CD36: variants seen among roughly 807,000 people sequenced by gnomAD.
CD36 encodes platelet glycoprotein 4.
CD36 carries 119 observed loss-of-function variants against 55.2 expected under a neutral mutation model. The ratio of observed to expected loss-of-function variants is 2.15; its 90% confidence interval spans 1.86 to 2.51. CD36 has a LOEUF of 2.51. Among genes scored for constraint, CD36 ranks in the 30% most tolerant of loss-of-function variants. The pLI is 0.00. For synonymous variants in CD36, 186 were observed against 193.6 expected (o/e 0.96, Z 0.33); for missense variants, 819 against 555.5 (o/e 1.47, Z -4.77).
At chr7:80,603,775 A>AAAAGAAG (rs1792380315) in intron 1 of CD36, among the ~76,000 whole-genome samples, 1 of 151,600 alleles carries the variant, frequency 6.6e-6, no homozygotes, top group African/African-American at 2.4e-5. Context: ...CAGGCAAAAA[A>AAAAGAAG]AAAAAAAAAA....
At chr7:80,634,261 C>G (rs764562144), upstream of CD36, among the ~76,000 whole-genome samples, 1 of 151,942 alleles carries the variant, frequency 6.6e-6, no homozygotes, top group Non-Finnish European at 1.5e-5. Context: ...TATGTGTTGA[C>G]TATGTTATTG....
intron 8 of CD36, among the ~76,000 whole-genome samples, chr7:80,667,989 C>G (rs528371631): frequency 6.6e-6 from 1 of 151,778 alleles, no homozygotes; most frequent in Admixed American, 6.6e-5. Flanking sequence ...CCTTGTGATC[C>G]GCCCCCCTCG....
Position 80,674,026 on chromosome 7 carries a change from A to C in CD36, c.1298A>C (p.Gln433Pro), listed in dbSNP as rs1244985137. 6.2e-7 allele frequency: 1 copy of C among 1,612,388 alleles called. No homozygotes were observed. Among genetic ancestry groups the C allele is most frequent in the Non-Finnish European group, 8.5e-7 (1 of 1,178,874 alleles). Residue 433 changes from glutamine (Q) to proline (P), a missense_variant, in exon 14 of 15, where the codon CAA (glutamine) becomes CCA (proline). Transcript: ENST00000447544. ...GAGAAGGCAAACATGTTCAGAAGTC[A>C]AGTAACTGGAAAAATAAACCTCCTT... ...GDEKANMFRS[Q>P]VTGKINLLGL...
chr7:80,612,599 T>A (rs1792932972), intron 1 of CD36, among the ~76,000 whole-genome samples: 1 of 152,192 alleles, frequency 6.6e-6, no homozygotes, highest in Admixed American at 6.5e-5. Flanking sequence ...CTTATATAAA[T>A]GTGGTTAAAT....
At chr7:80,667,907 C>T (rs1797279068) in intron 8 of CD36, among the ~76,000 whole-genome samples, 2 of 151,828 alleles carry the variant, frequency 1.3e-5, no homozygotes, top group South Asian at 4.2e-4. Flanking sequence ...TGTGCCACCA[C>T]ACCCAGCTAA....
chr7:80,646,260 G>T (rs3211805), intron 2 of CD36, 79 bp downstream of exon 2: 2,833 of 184,088 alleles, frequency 0.015, 87 homozygotes, highest in African/African-American at 0.062. Context: ...CATTCTGTTC[G>T]CAGGAGAGCT....
intron 3 of CD36, among the ~76,000 whole-genome samples, chr7:80,649,382 A>G (rs1433817374): frequency 6.6e-6 from 1 of 152,120 alleles, no homozygotes; most frequent in Non-Finnish European, 1.5e-5. Flanking sequence ...AAAAAACTGT[A>G]GGATATGACC....
intron 1 of CD36, among the ~76,000 whole-genome samples, chr7:80,613,854 T>C (rs1469189460): frequency 6.6e-6 from 1 of 152,180 alleles, no homozygotes; most frequent in Non-Finnish European, 1.5e-5. Flanking sequence ...TACCAGTTAC[T>C]TGGGAAGTTA....
intron 4 of CD36, among the ~76,000 whole-genome samples, chr7:80,657,535 A>C (rs1796187728): frequency 6.6e-6 from 1 of 152,182 alleles, no homozygotes; most frequent in Non-Finnish European, 1.5e-5. Context: ...TCATTTTGTG[A>C]GTTAAAAATG....
At chr7:80,631,955 C>T (rs1256616989) in intron 1 of CD36, among the ~76,000 whole-genome samples, 1 of 151,724 alleles carries the variant, frequency 6.6e-6, no homozygotes, top group Non-Finnish European at 1.5e-5. Flanking sequence ...TCTATAGATG[C>T]TTAGAAATCT....
At chr7:80,631,690 C>A (rs2116107845) in intron 1 of CD36, among the ~76,000 whole-genome samples, 1 of 151,672 alleles carries the variant, frequency 6.6e-6, no homozygotes, top group East Asian at 1.9e-4. Flanking sequence ...TAGTAGTCTG[C>A]CACTTTTCAT....
chr7:80,670,201 C>A, intron 9 of CD36, 179 bp downstream of exon 9: 1 of 593,872 alleles, frequency 1.7e-6, no homozygotes, highest in South Asian at 2.0e-5. Context: ...TTTGCCATTT[C>A]TATCTAAGCA....
intron 1 of CD36, among the ~76,000 whole-genome samples, chr7:80,616,731 T>C (rs1793182817): frequency 6.6e-6 from 1 of 152,174 alleles, no homozygotes; most frequent in African/African-American, 2.4e-5. Context: ...CTTGGAATCA[T>C]CCTTAGGCTC....
At chr7:80,666,871 T>C (rs1034545946) in intron 8 of CD36, among the ~76,000 whole-genome samples, 7 of 152,092 alleles carry the variant, frequency 4.6e-5, no homozygotes, top group African/African-American at 1.4e-4. Context: ...AAAAGCTAAT[T>C]ACAAAATAGA....
At chr7:80,669,817 T>A in intron 8 of CD36, 136 bp from the exon 9 acceptor site, 1 of 743,168 alleles carries the variant, frequency 1.3e-6, no homozygotes. Context: ...TTTTACCTTT[T>A]AAAAATGTGG....
In CD36 at chr7:80,666,427, CTT is replaced by C. The variant is rs767021819; in HGVS notation, c.702-12_702-11del. 5.8e-6 allele frequency: 9 copies of C among 1,550,592 alleles called. No individual in the cohort carries two copies. Among genetic ancestry groups the C allele is most frequent in the Non-Finnish European group, 6.2e-6 (7 of 1,123,236 alleles). ...TTAAATAAGAATGTTTATTCATTGTCTTTTTCTATTCCTAGGAATCTGTCCTA... is the reference window on the plus strand; with the variant it reads ...TTAAATAAGAATGTTTATTCATTGTCTTTCTATTCCTAGGAATCTGTCCTA... On this transcript the variant is annotated splice_polypyrimidine_tract_variant and intron_variant, in intron 7 of 14. Coordinates refer to ENST00000447544, the MANE Select transcript of CD36 (RefSeq NM_001001548.3).
chr7:80,641,126 A>G (rs4728191), intron 1 of CD36, among the ~76,000 whole-genome samples: 145,291 of 152,076 alleles, frequency 0.96, 69,525 homozygotes, highest in East Asian at 1. Context: ...TTACCAAATA[A>G]CTCTTCTTTG....
rs780361615 is a variant in CD36, at chr7:80,670,965, C to A, written c.819-12C>A. ...GGTTCCTGGAATGCAGCTCTTTTTT[C>A]TCTGTATTTAGGTCAATCTATGCTG... On this transcript the variant is annotated splice_polypyrimidine_tract_variant and intron_variant, in intron 9 of 14. Transcript: ENST00000447544. 5.7e-5 allele frequency: 91 copies of A among 1,596,248 alleles called. No homozygotes were observed. The highest frequency in any genetic ancestry group is 7.6e-5 in the Non-Finnish European group (89 of 1,165,306).
intron 9 of CD36, chr7:80,670,225 CT>C (rs1454896977): frequency 3.5e-6 from 2 of 569,016 alleles, no homozygotes; most frequent in Non-Finnish European, 6.2e-6. Flanking sequence ...ACCATTTTGC[CT>C]TTTAAAAACT....
Sources: gnomAD v4.1 joint callset for allele counts (sites outside exome capture counted in the v4.1 genomes callset) on GRCh38, gnomAD v4.1.1 for gene constraint, MANE v1.5 for transcripts, NCBI Gene and HGNC (gene_info 2026-07-23, HGNC 2026-07-21) for gene names.